The following MTF2 variants were observed in gnomAD, a reference collection of about 807,000 sequenced individuals.
MTF2 encodes metal-response element-binding transcription factor 2.
Under a neutral mutation model 79.5 loss-of-function variants are expected in MTF2, and 11 were observed. The observed-to-expected ratio is 0.14, with a 90% CI of 0.09 to 0.23. The LOEUF is 0.23. Among genes scored for constraint, MTF2 ranks in the 10% least tolerant of loss-of-function variants. The pLI is 1.00. For synonymous variants in MTF2, 208 were observed against 232.8 expected, an observed-to-expected ratio of 0.89 and a Z score of 0.97; for missense variants, 486 against 711.2, an observed-to-expected ratio of 0.68 and a Z score of 3.60.
Position 93,136,700 on chromosome 1 carries a change from A to C in MTF2, c.1455A>C (p.Thr485=), listed in dbSNP as rs1256356915. The stretch of plus-strand genomic sequence containing the variant: ...CTGACTCCAGAAAAAGAACGCGTAC[A>C]GGAAGATCTTGGCCTGCTGCAATAC... ...GLSDSRKRTR[T]GRSWPAAIPH... Residue 485 remains threonine (T), a synonymous_variant, in exon 15 of 15, where the codon ACA becomes ACC. Transcript: ENST00000370298. 3.7e-6 allele frequency: 6 copies of C among 1,613,864 alleles called. No individual in the cohort carries two copies. Among genetic ancestry groups the C allele is most frequent in the Non-Finnish European group, 4.2e-6 (5 of 1,179,964 alleles).
At chr1:93,098,970 T>C (rs1655415016) in intron 1 of MTF2, among the ~76,000 whole-genome samples, 1 of 152,116 alleles carries the variant, frequency 6.6e-6, no homozygotes, top group African/African-American at 2.4e-5. Flanking sequence ...AGGATGACAT[T>C]TACAGATGGT....
At chr1:93,109,913 A>G (rs1655962507) in intron 1 of MTF2, among the ~76,000 whole-genome samples, 1 of 152,090 alleles carries the variant, frequency 6.6e-6, no homozygotes, top group South Asian at 2.1e-4. Flanking sequence ...TCAAGACATT[A>G]TTTGCTCATG....
At chr1:93,098,034 CAA>C (rs1212662279) in intron 1 of MTF2, among the ~76,000 whole-genome samples, 1 of 152,096 alleles carries the variant, frequency 6.6e-6, no homozygotes, top group Non-Finnish European at 1.5e-5. Flanking sequence ...GTAAATAAGA[CAA>C]AGAGGCAATG....
intron 10 of MTF2, among the ~76,000 whole-genome samples, chr1:93,128,284 G>A (rs1020690219): frequency 6.6e-6 from 1 of 152,048 alleles, no homozygotes; most frequent in Non-Finnish European, 1.5e-5. Context: ...TTGGTTGGGC[G>A]TGGTGGCTCA....
intron 1 of MTF2, among the ~76,000 whole-genome samples, chr1:93,087,457 A>G (rs1654893146): frequency 6.6e-6 from 1 of 152,092 alleles, no homozygotes; most frequent in Non-Finnish European, 1.5e-5. Context: ...CTGTAATCCC[A>G]GCTACTCAGG....
intron 2 of MTF2, 52 bp downstream of exon 2, chr1:93,110,480 T>A: frequency 6.2e-7 from 1 of 1,605,346 alleles, no homozygotes; most frequent in East Asian, 2.2e-5. Flanking sequence ...CATTTAATAA[T>A]CTTAAATTTA....
chr1:93,124,320 A>T (rs1046625311), intron 9 of MTF2, among the ~76,000 whole-genome samples: 1 of 152,110 alleles, frequency 6.6e-6, no homozygotes, highest in African/African-American at 2.4e-5. Context: ...GTTTTTATGT[A>T]AAATGAAGTC....
At chr1:93,090,692 C>CT (rs770990074) in intron 1 of MTF2, among the ~76,000 whole-genome samples, 163 of 142,034 alleles carry the variant, frequency 1.1e-3, no homozygotes, top group Non-Finnish European at 2.0e-3. Flanking sequence ...GAGACGGAGT[C>CT]TAACTGTGTT....
chr1:93,096,646 A>G (rs1655300140), intron 1 of MTF2, among the ~76,000 whole-genome samples: 1 of 149,194 alleles, frequency 6.7e-6, no homozygotes, highest in African/African-American at 2.5e-5. Context: ...CTTTTCTATT[A>G]TATGTATTTC....
chr1:93,130,471 G>A (rs1656872785), intron 11 of MTF2, among the ~76,000 whole-genome samples: 1 of 152,168 alleles, frequency 6.6e-6, no homozygotes, highest in African/African-American at 2.4e-5. Flanking sequence ...CAGCTACTTG[G>A]GAGGCTGAGG....
intron 9 of MTF2, chr1:93,121,505 T>G: frequency 3.0e-6 from 3 of 984,852 alleles, no homozygotes; most frequent in Non-Finnish European, 3.6e-6. Context: ...AGGAAGAATT[T>G]CTTGATTTGT....
chr1:93,102,989 G>A (rs1400363526), intron 1 of MTF2, among the ~76,000 whole-genome samples: 2 of 151,888 alleles, frequency 1.3e-5, no homozygotes, highest in East Asian at 3.9e-4. Flanking sequence ...AAAATTAGCC[G>A]GGCATGGTGG....
chr1:93,095,212 A>C (rs1655238230), intron 1 of MTF2, among the ~76,000 whole-genome samples: 2 of 152,108 alleles, frequency 1.3e-5, no homozygotes, highest in Middle Eastern at 3.4e-3. Flanking sequence ...TAATTAAAAA[A>C]ATTTTTTTTG....
At chr1:93,116,943 T>C (rs1272848980) in intron 6 of MTF2, among the ~76,000 whole-genome samples, 1 of 152,172 alleles carries the variant, frequency 6.6e-6, no homozygotes, top group African/African-American at 2.4e-5. Context: ...TTTGCCATCT[T>C]AGGTGGGCAC....
chr1:93,083,459 A>G (rs925048266), intron 1 of MTF2, among the ~76,000 whole-genome samples: 10 of 152,268 alleles, frequency 6.6e-5, no homozygotes, highest in Admixed American at 4.6e-4. Context: ...TTGTTTGTCT[A>G]GTCATCAGTT....
chr1:93,136,772 G>GACTCAGA lies in MTF2; in HGVS notation c.1536_1542dup (p.Ile515LeufsTer7). On this transcript the variant is annotated frameshift_variant, in exon 15 of 15. Transcript: ENST00000370298. LOFTEE classifies it high-confidence loss of function. The stretch of plus-strand genomic sequence containing the variant: ...GTCGTCTTCCAAGAAGAGCACTCCA[G>GACTCAGA]ACTCAGAACTCAGAAATTGTAAAAG... The GACTCAGA allele has an allele frequency of 6.2e-7, 1 of 1,614,134 alleles. No homozygotes were observed. Among genetic ancestry groups the GACTCAGA allele is most frequent in the Non-Finnish European group, 8.5e-7 (1 of 1,180,022 alleles).
intron 11 of MTF2, among the ~76,000 whole-genome samples, chr1:93,132,822 T>A (rs1656972270): frequency 6.6e-6 from 1 of 152,102 alleles, no homozygotes; most frequent in Non-Finnish European, 1.5e-5. Context: ...CTCATAGCCC[T>A]CACTCCATTT....
chr1:93,124,203 A>G (rs923299479), intron 9 of MTF2, among the ~76,000 whole-genome samples: 28 of 151,988 alleles, frequency 1.8e-4, no homozygotes, highest in African/African-American at 6.3e-4. Context: ...CCTAATGATT[A>G]TCATATAGAT....
chr1:93,101,842 A>T (rs1655559828), intron 1 of MTF2, among the ~76,000 whole-genome samples: 2 of 152,032 alleles, frequency 1.3e-5, no homozygotes, highest in South Asian at 4.2e-4. Context: ...CCTCCCAAAG[A>T]GCTGAAGTTA....
Sources: allele counts gnomAD v4.1 joint callset (sites outside exome capture counted in the v4.1 genomes callset), GRCh38; gene constraint gnomAD v4.1.1; transcripts MANE v1.5; gene names NCBI Gene and HGNC (gene_info 2026-07-23, HGNC 2026-07-21).